Variants in RANBP2 observed in about 807,000 individuals in gnomAD.
RANBP2 encodes RAN binding protein 2, also known as E3 SUMO-protein ligase RanBP2.
In RANBP2, 57 loss-of-function variants were observed where a neutral mutation model predicts 303.6. The observed-to-expected ratio is 0.19, with a 90% CI of 0.15 to 0.23. RANBP2 has a LOEUF of 0.23. Among genes scored for constraint, RANBP2 ranks in the 10% least tolerant of loss-of-function variants. RANBP2 has a pLI of 1.00. For missense variants in RANBP2, 3,138 were observed against 3,780.8 expected, an observed-to-expected ratio of 0.83 and a Z score of 4.46; for synonymous variants, 1,167 against 1,301.5, an observed-to-expected ratio of 0.90 and a Z score of 2.23.
the RANBP2 span, among the ~76,000 whole-genome samples, chr2:109,677,060 G>A: frequency 6.6e-6 from 1 of 152,156 alleles, no homozygotes; most frequent in African/African-American, 2.4e-5. Context: ...GACACCCGAT[G>A]GGCAGATGGG....
chr2:108,786,682 T>TCGCCCCGCCC (rs532161545), downstream of RANBP2: 633 of 731,780 alleles, frequency 8.7e-4, 4 homozygotes, highest in African/African-American at 9.4e-3. Context: ...AGTCTCCGGG[T>TCGCCCCGCCC]CGCCCCGCCC....
chr2:109,696,267 T>C, the RANBP2 span, among the ~76,000 whole-genome samples: 1 of 152,202 alleles, frequency 6.6e-6, no homozygotes, highest in African/African-American at 2.4e-5. Flanking sequence ...CCAACCAAGA[T>C]AATAAAGACT....
At chr2:109,600,487 C>G in the RANBP2 span, among the ~76,000 whole-genome samples, 1 of 151,676 alleles carries the variant, frequency 6.6e-6, no homozygotes, top group Non-Finnish European at 1.5e-5. Context: ...CAAACTGCCC[C>G]TCAAAAAGAC....
At chr2:109,400,615 C>T in the RANBP2 span, among the ~76,000 whole-genome samples, 3 of 152,268 alleles carry the variant, frequency 2.0e-5, no homozygotes, top group East Asian at 5.8e-4. Flanking sequence ...GCGTCCCTTC[C>T]ACATACACAC....
chr2:109,206,997 C>T, the RANBP2 span, among the ~76,000 whole-genome samples: 19 of 152,270 alleles, frequency 1.2e-4, no homozygotes, highest in Admixed American at 9.8e-4. Flanking sequence ...TTTGGCTGAG[C>T]GCTGCATTTG....
chr2:109,488,395 G>GGTT, the RANBP2 span, among the ~76,000 whole-genome samples: 1 of 152,164 alleles, frequency 6.6e-6, no homozygotes, highest in South Asian at 2.1e-4. Context: ...TCTTGCTGTG[G>GGTT]GTTCAGGCCT....
At chr2:108,826,715 A>G in the RANBP2 span, among the ~76,000 whole-genome samples, 23 of 152,072 alleles carry the variant, frequency 1.5e-4, 1 homozygote, top group African/African-American at 5.6e-4. Context: ...TCTTTTCCAT[A>G]TATGTTCTGG....
the RANBP2 span, among the ~76,000 whole-genome samples, chr2:109,279,127 C>A: frequency 1.3e-5 from 2 of 152,316 alleles, no homozygotes; most frequent in Middle Eastern, 3.4e-3. Context: ...ACCTGGAAAA[C>A]CATCCATGGG....
the RANBP2 span, chr2:109,129,093 C>CGCCTGGA: frequency 5.5e-6 from 2 of 362,304 alleles, no homozygotes; most frequent in Admixed American, 3.6e-5. Flanking sequence ...GTGCGGCTCG[C>CGCCTGGA]CAGCTGCGCG....
At chr2:109,331,350 T>C in the RANBP2 span, among the ~76,000 whole-genome samples, 1 of 152,144 alleles carries the variant, frequency 6.6e-6, no homozygotes, top group Non-Finnish European at 1.5e-5. Context: ...CCTGTTTTCC[T>C]GCCTCCCTCC....
At chr2:109,012,321 A>G in the RANBP2 span, among the ~76,000 whole-genome samples, 10 of 152,166 alleles carry the variant, frequency 6.6e-5, no homozygotes, top group Non-Finnish European at 1.5e-4. Flanking sequence ...GGGGGTCTCC[A>G]CACTTGGGGT....
chr2:109,582,110 A>ACACACACACT, the RANBP2 span, among the ~76,000 whole-genome samples: 7 of 134,856 alleles, frequency 5.2e-5, no homozygotes, highest in Non-Finnish European at 1.1e-4. Context: ...ACACACACAC[A>ACACACACACT]CACTCACTCT....
At chr2:109,468,980 T>C in the RANBP2 span, among the ~76,000 whole-genome samples, 1 of 147,328 alleles carries the variant, frequency 6.8e-6, no homozygotes, top group African/African-American at 2.5e-5. Context: ...GGCTACTAGA[T>C]GCATGTCAAG....
the RANBP2 span, among the ~76,000 whole-genome samples, chr2:109,498,224 C>T: frequency 6.6e-6 from 1 of 152,184 alleles, no homozygotes; most frequent in Non-Finnish European, 1.5e-5. Context: ...ACCAGTCCAA[C>T]CATCGTGCAC....
the RANBP2 span, among the ~76,000 whole-genome samples, chr2:108,973,567 C>T: frequency 6.6e-6 from 1 of 152,206 alleles, no homozygotes; most frequent in African/African-American, 2.4e-5. Flanking sequence ...GTGAGTGTGG[C>T]TCCTGGAATC....
the RANBP2 span, among the ~76,000 whole-genome samples, chr2:109,105,275 T>G: frequency 6.6e-6 from 1 of 152,162 alleles, no homozygotes; most frequent in East Asian, 1.9e-4. Flanking sequence ...CTAGGAACAC[T>G]TGACTGGGAA....
the RANBP2 span, among the ~76,000 whole-genome samples, chr2:109,323,244 T>C: frequency 6.6e-6 from 1 of 152,142 alleles, no homozygotes; most frequent in Non-Finnish European, 1.5e-5. Context: ...CATCAGGTCT[T>C]GGGCTGGGAG....
the RANBP2 span, among the ~76,000 whole-genome samples, chr2:109,039,876 C>T: frequency 8.6e-5 from 13 of 152,036 alleles, no homozygotes; most frequent in East Asian, 2.5e-3. Context: ...TGTGTATGAT[C>T]TCTATGCAGT....
chr2:109,683,068 T>G, the RANBP2 span, among the ~76,000 whole-genome samples: 3 of 152,110 alleles, frequency 2.0e-5, no homozygotes, highest in South Asian at 6.2e-4. Context: ...TGCAGTGGCG[T>G]GATGTCGGCT....
Sources: allele counts gnomAD v4.1 joint callset (sites outside exome capture counted in the v4.1 genomes callset), GRCh38; gene constraint gnomAD v4.1.1; transcripts MANE v1.5; gene names NCBI Gene and HGNC (gene_info 2026-07-23, HGNC 2026-07-21).